The following MAGI2 variants were observed in gnomAD, a reference collection of about 807,000 sequenced individuals.
MAGI2 encodes membrane associated guanylate kinase, WW and PDZ domain containing 2.
A neutral mutation model predicts 133.3 loss-of-function variants in MAGI2; 35 were observed. That is an observed-to-expected ratio of 0.26 (90% CI 0.20 to 0.35). MAGI2 has a LOEUF of 0.35. Ranked by LOEUF, MAGI2 falls within the 10% of genes least tolerant of loss-of-function variation. The pLI is 1.00. For missense variants in MAGI2, 1,636 were observed against 1,863.4 expected (o/e 0.88, Z 2.25); for synonymous variants, 729 against 710.6 (o/e 1.03, Z -0.41).
At chr7:78,620,237 C>T (rs1807582963) in intron 3 of MAGI2, among the ~76,000 whole-genome samples, 3 of 151,908 alleles carry the variant, frequency 2.0e-5, no homozygotes. Context: ...TCAAGATGAT[C>T]TGTGGTGCCA....
At chr7:79,398,399 C>A (rs1275174788) in intron 1 of MAGI2, among the ~76,000 whole-genome samples, 1 of 152,162 alleles carries the variant, frequency 6.6e-6, no homozygotes, top group African/African-American at 2.4e-5. Flanking sequence ...GAAAAGAAGG[C>A]TGTCATCTTC....
At chr7:78,270,247 G>T (rs887808861) in intron 9 of MAGI2, among the ~76,000 whole-genome samples, 1 of 152,124 alleles carries the variant, frequency 6.6e-6, no homozygotes, top group Non-Finnish European at 1.5e-5. Context: ...TTGGCTGTGA[G>T]GGCTCTTTTT....
intron 20 of MAGI2, among the ~76,000 whole-genome samples, chr7:78,106,914 T>C (rs11983215): frequency 6.8e-4 from 104 of 152,254 alleles, no homozygotes; most frequent in African/African-American, 2.2e-3. Flanking sequence ...TCTGAAGTAT[T>C]ACTCAAGAAA....
intron 2 of MAGI2, among the ~76,000 whole-genome samples, chr7:78,700,557 A>C (rs1183967155): frequency 2.0e-5 from 3 of 152,106 alleles, no homozygotes; most frequent in African/African-American, 7.2e-5. Context: ...ACAGTGTTTA[A>C]ACCTGAAACA....
intron 6 of MAGI2, among the ~76,000 whole-genome samples, chr7:78,437,319 T>C (rs961726965): frequency 2.0e-5 from 3 of 152,146 alleles, no homozygotes; most frequent in Non-Finnish European, 4.4e-5. Context: ...CTTTCTACTT[T>C]CTACTAAATG....
chr7:78,071,642 G>T (rs565850314), intron 21 of MAGI2, among the ~76,000 whole-genome samples: 4 of 152,272 alleles, frequency 2.6e-5, no homozygotes, highest in South Asian at 4.1e-4. Flanking sequence ...CCTACATGCT[G>T]CAGAGAGCAT....
intron 2 of MAGI2, among the ~76,000 whole-genome samples, chr7:78,641,591 A>G (rs1810316157): frequency 6.6e-6 from 1 of 152,218 alleles, no homozygotes; most frequent in Non-Finnish European, 1.5e-5. Context: ...AATCAACAAG[A>G]TGCAACTTCA....
intron 1 of MAGI2, among the ~76,000 whole-genome samples, chr7:79,392,547 C>T (rs1341909116): frequency 1.3e-5 from 2 of 152,164 alleles, no homozygotes; most frequent in Non-Finnish European, 2.9e-5. Flanking sequence ...TAATAATCAC[C>T]TTTCTTACTG....
At chr7:78,891,776 T>A (rs1356349588) in intron 2 of MAGI2, among the ~76,000 whole-genome samples, 1 of 152,232 alleles carries the variant, frequency 6.6e-6, no homozygotes, top group Non-Finnish European at 1.5e-5. Context: ...AATATCATAC[T>A]GAATGGGCAA....
intron 2 of MAGI2, among the ~76,000 whole-genome samples, chr7:78,677,720 G>T (rs2151087761): frequency 6.6e-6 from 1 of 152,062 alleles, no homozygotes; most frequent in African/African-American, 2.4e-5. Context: ...AGAACTCTTT[G>T]GCATTTATTA....
intron 21 of MAGI2, among the ~76,000 whole-genome samples, chr7:78,043,830 C>T (rs1811113843): frequency 6.6e-6 from 1 of 152,184 alleles, no homozygotes; most frequent in African/African-American, 2.4e-5. Context: ...GTTTCAGCCT[C>T]AAAAACTAAC....
chr7:78,151,537 G>A (rs999622320), intron 16 of MAGI2, among the ~76,000 whole-genome samples: 2 of 152,086 alleles, frequency 1.3e-5, no homozygotes, highest in Non-Finnish European at 1.5e-5. Flanking sequence ...TAAGATGACC[G>A]GGGCTGGCCA....
At position 78,070,174 on chromosome 7, in the gene MAGI2, CATATATATATATATATATATATAT is replaced by C. The variant is rs57714371; in HGVS notation, c.3706+8749_3706+8772del. On this transcript the variant is annotated intron_variant, in intron 21 of 21. Coordinates refer to ENST00000354212, the MANE Select transcript of MAGI2 (RefSeq NM_012301.4). ...ACACACATATATATACACACACACA[CATATATATATATATATATATATAT>C]ATATATATATATATATATATACACA... Among the ~76,000 whole-genome samples the C allele has an allele frequency of 4.7e-3, 268 of 56,666 alleles. 1 individual carries two copies. The highest frequency in any genetic ancestry group is 7.8e-3 in the Non-Finnish European group (231 of 29,450). The allele number at this position is 56,666 out of a possible 152,430, so 37.2% of individuals were successfully genotyped here.
chr7:78,154,940 C>T (rs1006766467), intron 16 of MAGI2, among the ~76,000 whole-genome samples: 6 of 151,464 alleles, frequency 4.0e-5, no homozygotes, highest in Admixed American at 1.3e-4. Context: ...TCCATTGAGT[C>T]ATAGGCTACC....
At chr7:78,547,091 A>G (rs1489371222) in intron 3 of MAGI2, among the ~76,000 whole-genome samples, 3 of 152,156 alleles carry the variant, frequency 2.0e-5, no homozygotes, top group African/African-American at 4.8e-5. Flanking sequence ...AATGAAACCA[A>G]TTTTACTACA....
intron 2 of MAGI2, among the ~76,000 whole-genome samples, chr7:78,736,586 G>A (rs73152434): frequency 0.044 from 6,721 of 152,186 alleles, 219 homozygotes; most frequent in Non-Finnish European, 0.067. Flanking sequence ...AGAACCTGAA[G>A]AGGGCTCATT....
At chr7:78,675,491 G>A (rs1387837970) in intron 2 of MAGI2, among the ~76,000 whole-genome samples, 2 of 151,974 alleles carry the variant, frequency 1.3e-5, no homozygotes, top group Non-Finnish European at 2.9e-5. Flanking sequence ...AGGAAGGAGG[G>A]AGAGAAGCTA....
intron 9 of MAGI2, among the ~76,000 whole-genome samples, chr7:78,283,457 A>AC (rs1795832640): frequency 6.6e-6 from 1 of 152,140 alleles, no homozygotes; most frequent in African/African-American, 2.4e-5. Context: ...CATATCCTTT[A>AC]TTAACCTGAA....
At chr7:78,327,084 A>G (rs943612450) in intron 9 of MAGI2, among the ~76,000 whole-genome samples, 2 of 152,162 alleles carry the variant, frequency 1.3e-5, no homozygotes, top group Non-Finnish European at 2.9e-5. Context: ...ATTTGGCTCA[A>G]GCTTGACCTC....
Sources: gnomAD v4.1 joint callset for allele counts (sites outside exome capture counted in the v4.1 genomes callset) on GRCh38, gnomAD v4.1.1 for gene constraint, MANE v1.5 for transcripts, NCBI Gene and HGNC (gene_info 2026-07-23, HGNC 2026-07-21) for gene names.